The following SEC24B variants were observed in gnomAD, a reference collection of about 807,000 sequenced individuals.
SEC24B encodes protein transport protein Sec24B.
Under a neutral mutation model 142.8 loss-of-function variants are expected in SEC24B, and 45 were observed. That is an observed-to-expected ratio of 0.32 (90% CI 0.25 to 0.40). The LOEUF (loss-of-function observed/expected upper bound fraction) is 0.40. SEC24B is among the 10% of genes least tolerant of loss of function. The pLI is 1.00. For missense variants in SEC24B, 1,409 were observed against 1,526.8 expected, an observed-to-expected ratio of 0.92 and a Z score of 1.29; for synonymous variants, 574 against 568.2, an observed-to-expected ratio of 1.01 and a Z score of -0.15.
At chr4:109,517,316 T>C (rs1015262250) in intron 11 of SEC24B, among the ~76,000 whole-genome samples, 1 of 152,176 alleles carries the variant, frequency 6.6e-6, no homozygotes, top group African/African-American at 2.4e-5. Context: ...TTTTTCTCAT[T>C]TGTGATACCA....
chr4:109,505,703 C>G (rs535488488), intron 6 of SEC24B, among the ~76,000 whole-genome samples: 2 of 152,016 alleles, frequency 1.3e-5, no homozygotes, highest in African/African-American at 4.8e-5. Flanking sequence ...TTTAGACAAA[C>G]AATTCTAGAT....
At chr4:109,531,703 A>T (rs1481040140) in intron 20 of SEC24B, among the ~76,000 whole-genome samples, 181 bp downstream of exon 20, 1 of 152,238 alleles carries the variant, frequency 6.6e-6, no homozygotes, top group Non-Finnish European at 1.5e-5. Flanking sequence ...AGGACTCTTA[A>T]ATACCATCAG....
At chr4:109,483,919 G>A (rs1490186607) in intron 4 of SEC24B, among the ~76,000 whole-genome samples, 2 of 152,056 alleles carry the variant, frequency 1.3e-5, no homozygotes, top group African/African-American at 4.8e-5. Flanking sequence ...ACATATTTTT[G>A]CTATACCATT....
intron 6 of SEC24B, among the ~76,000 whole-genome samples, chr4:109,500,599 AAAAT>A (rs1736027627): frequency 6.6e-6 from 1 of 152,030 alleles, no homozygotes; most frequent in Non-Finnish European, 1.5e-5. Context: ...CCAACCTATT[AAAAT>A]AAATAGTTTA....
At chr4:109,494,178 A>G (rs995974247) in intron 5 of SEC24B, among the ~76,000 whole-genome samples, 3 of 151,968 alleles carry the variant, frequency 2.0e-5, no homozygotes, top group African/African-American at 7.3e-5. Context: ...AGAATTACCA[A>G]CTCAAGGGGC....
At chr4:109,434,292 G>T (rs1399777485) in intron 1 of SEC24B, among the ~76,000 whole-genome samples, 1 of 152,138 alleles carries the variant, frequency 6.6e-6, no homozygotes, top group Non-Finnish European at 1.5e-5. Flanking sequence ...CCCCAGGCCC[G>T]AAACGGCCTC....
intron 1 of SEC24B, among the ~76,000 whole-genome samples, chr4:109,447,022 G>T (rs1236506737): frequency 6.6e-6 from 1 of 152,174 alleles, no homozygotes; most frequent in African/African-American, 2.4e-5. Flanking sequence ...AAATACTGTG[G>T]AAGCAATATT....
At chr4:109,531,309 G>T in intron 19 of SEC24B, 76 bp from the exon 20 acceptor site, 1 of 1,212,310 alleles carries the variant, frequency 8.2e-7, no homozygotes, top group South Asian at 1.4e-5. Context: ...TTCCATGATT[G>T]ACAGTGTATA....
intron 4 of SEC24B, among the ~76,000 whole-genome samples, chr4:109,483,535 G>A: frequency 6.7e-6 from 1 of 148,836 alleles, no homozygotes; most frequent in Non-Finnish European, 1.5e-5. Context: ...TTCACATTAG[G>A]GACTCTCAAC....
In SEC24B at chr4:109,481,798, C is replaced by A. The variant is rs745826998; in HGVS notation, c.1165+17C>A. ...AGGAAGCAGGTCTGCTTTAGCTTTA[C>A]ACCAGTTCTTGATCTTTTCCTGCTC... On this transcript the variant is annotated intron_variant, in intron 4 of 23. Transcript: ENST00000265175. 1.9e-6 allele frequency: 3 copies of A among 1,578,270 alleles called. No individual in the cohort carries two copies. The East Asian group carries it at 6.7e-5, about 35-fold the overall frequency.
Position 109,538,634 on chromosome 4 carries a change from C to G in SEC24B, c.3692+38C>G. On this transcript the variant is annotated intron_variant, in intron 23 of 23. Transcript: ENST00000265175. ...GTAACTTAATTATGAAGTTGTCTTTCCTATGTAGTCTGTGGAATTGCTTGT... is the reference window on the plus strand; with the variant it reads ...GTAACTTAATTATGAAGTTGTCTTTGCTATGTAGTCTGTGGAATTGCTTGT... 6 of 1,273,788 alleles carry G rather than the reference C, an allele frequency of 4.7e-6. No homozygotes were observed. In the East Asian group the frequency reaches 1.4e-4, roughly 30 times the overall value. 78.9% of individuals were successfully genotyped at this position (1,273,788 alleles called of 1,614,324 possible). A position where few individuals can be genotyped will look rare whatever the true frequency, so the allele number is the denominator to read the frequency against.
In SEC24B at chr4:109,450,978, A is replaced by G. The variant is rs1251336570; in HGVS notation, c.134-11923A>G. ...AGTGTAGACACCCAATCAGCATAAC[A>G]CATTACAGCCCAGAACTCATGGGCT... On this transcript the variant is annotated intron_variant, in intron 1 of 23. Transcript: ENST00000265175. The G allele has an allele frequency of 4.6e-5, 7 of 152,094 alleles. No homozygotes were observed. The East Asian group carries it at 1.4e-3, about 30-fold the overall frequency. 9.4% of individuals were successfully genotyped at this position (152,094 alleles called of 1,614,324 possible).
Position 109,524,929 on chromosome 4 carries a change from C to A in SEC24B, c.2620C>A (p.Leu874Ile). Residue 874 changes from leucine to isoleucine, a missense_variant, in exon 15 of 24, where the codon CTT (leucine) becomes ATT (isoleucine). By Grantham distance (5) the Leu-to-Ile change is conservative (BLOSUM62 2). This residue lies in a region of SEC24B where 700 missense variants were observed against 853.3 expected (regional missense o/e 0.82). Transcript: ENST00000265175. ...CCTTTTAAGTTCACAGTATTCTGAT[C>A]TTGCTTCTCTAGGTAAGGAAAGTCA... is the stretch of plus-strand genomic sequence containing the variant. ...LFLLSSQYSD[L>I]ASLACMSKYS... 19 of 1,609,522 alleles carry A rather than the reference C, an allele frequency of 1.2e-5. No individual in the cohort carries two copies. Among genetic ancestry groups the A allele is most frequent in the Non-Finnish European group, 1.6e-5 (19 of 1,178,146 alleles).
At chr4:109,520,507 G>T (rs752039521) in intron 12 of SEC24B, 23 bp downstream of exon 12, 2 of 1,425,454 alleles carry the variant, frequency 1.4e-6, no homozygotes, top group Admixed American at 3.5e-5. Flanking sequence ...TAAAATAAAA[G>T]CCTTTCTAAC....
At position 109,510,205 on chromosome 4, in the gene SEC24B, T is replaced by G. The variant is rs1442430170; in HGVS notation, c.1776+94T>G. ...ATATTTTCTTAGAATTTTCTATATC[T>G]TCTTTTATTTGAAGTTAGAAATAAT... On this transcript the variant is annotated intron_variant, in intron 8 of 23. Coordinates refer to ENST00000265175, the MANE Select transcript of SEC24B (RefSeq NM_006323.5). 9.0e-6 allele frequency: 5 copies of G among 553,636 alleles called. No individual in the cohort carries two copies. In the East Asian group the frequency reaches 1.8e-4, roughly 20 times the overall value. The allele number at this position is 553,636 out of a possible 1,614,324, so 34.3% of individuals were successfully genotyped here.
In SEC24B at chr4:109,539,688, T is replaced by C. The variant is rs140365309; in HGVS notation, c.*13T>C. 6 of 1,531,036 alleles carry C rather than the reference T, an allele frequency of 3.9e-6. No homozygotes were observed. In the African/African-American group the frequency reaches 8.2e-5, roughly 21 times the overall value. 94.8% of individuals were successfully genotyped at this position (1,531,036 alleles called of 1,614,324 possible). ...GATTTGTAAGTGAAGTAGAATAAAA[T>C]TGAATAAGAAAAAGATCTATAACCT... On this transcript the variant is annotated 3_prime_UTR_variant, in exon 24 of 24. Coordinates refer to ENST00000265175, the MANE Select transcript of SEC24B (RefSeq NM_006323.5).
rs767830305 is a variant in SEC24B at position 109,538,488 on chromosome 4, A to G, written c.3589-5A>G. 6.3e-7 allele frequency: 1 copy of G among 1,597,848 alleles called. No homozygotes were observed. The highest frequency in any genetic ancestry group is 1.1e-5 in the South Asian group (1 of 90,548). Reference sequence around the variant, plus strand: ...AAAGTTTCCTAATTGTATTTCTTTTACCAGACACATCTTCCAGAGCTAGAT... The same window carrying G: ...AAAGTTTCCTAATTGTATTTCTTTTGCCAGACACATCTTCCAGAGCTAGAT... On this transcript the variant is annotated splice_polypyrimidine_tract_variant and splice_region_variant and intron_variant, in intron 22 of 23. Transcript: ENST00000265175.
chr4:109,536,915 T>TA (rs1725608865), intron 22 of SEC24B, among the ~76,000 whole-genome samples: 2 of 151,902 alleles, frequency 1.3e-5, no homozygotes, highest in African/African-American at 4.8e-5. Flanking sequence ...AAAGCACAAA[T>TA]ATAAAACATT....
At chr4:109,530,890 C>A (rs1014036581) in intron 19 of SEC24B, among the ~76,000 whole-genome samples, 1 of 121,590 alleles carries the variant, frequency 8.2e-6, no homozygotes, top group Non-Finnish European at 1.6e-5. Flanking sequence ...AGCGAGACTC[C>A]GTCTCAAAAA....
Sources: gnomAD v4.1 joint callset for allele counts (sites outside exome capture counted in the v4.1 genomes callset) on GRCh38, gnomAD v4.1.1 for gene constraint, gnomAD v4.1.1 regional missense constraint, MANE v1.5 for transcripts, NCBI Gene and HGNC (gene_info 2026-07-23, HGNC 2026-07-21) for gene names.